PCDHGA8: variants seen among roughly 807,000 people sequenced by gnomAD.
PCDHGA8 encodes the protein protocadherin gamma subfamily A, 8.
A neutral mutation model predicts 59.2 loss-of-function variants in PCDHGA8; 45 were observed. The ratio of observed to expected loss-of-function variants is 0.76; its 90% CI spans 0.60 to 0.98. PCDHGA8 has a LOEUF of 0.98. Among genes scored for constraint, PCDHGA8 ranks in the 50% least tolerant of loss-of-function variants. The pLI is 0.00. For missense variants in PCDHGA8, 1,257 were observed against 1,196.2 expected, an observed-to-expected ratio of 1.05 and a Z score of -0.75; for synonymous variants, 531 against 519.0, an observed-to-expected ratio of 1.02 and a Z score of -0.32.
intron 1 of PCDHGA8, chr5:141,441,743 C>T (rs1298220876): frequency 1.4e-5 from 5 of 367,166 alleles, no homozygotes; most frequent in Non-Finnish European, 2.2e-5. Context: ...AGCTCGCGCT[C>T]GGCGTCAACG....
Position 141,490,942 on chromosome 5 carries a change from C to T in PCDHGA8, c.2425-3865C>T, listed in dbSNP as rs371286343. On this transcript the variant is annotated intron_variant, in intron 1 of 3. Coordinates refer to ENST00000398604, the MANE Select transcript of PCDHGA8 (RefSeq NM_032088.2). This position sits in a 1 kb window ranked among gnomAD's most constrained non-coding sequence, Gnocchi z 5.4. ...TAATGCCCCAGCTGTGCTGCACCCA[C>T]GGCCAGACTGGGAACACTCAGCCCC... 8.7e-5 allele frequency: 141 copies of T among 1,613,526 alleles called. No individual in the cohort carries two copies. Among genetic ancestry groups the T allele is most frequent in the Non-Finnish European group, 1.1e-4 (126 of 1,179,768 alleles).
chr5:141,412,415 T>C (rs897201034), intron 1 of PCDHGA8: 5 of 152,248 alleles, frequency 3.3e-5, no homozygotes, highest in Non-Finnish European at 4.4e-5. Context: ...AGATAAAGTA[T>C]GTTTTACACA....
chr5:141,467,907 C>A (rs1166486426), intron 1 of PCDHGA8, among the ~76,000 whole-genome samples: 1 of 152,156 alleles, frequency 6.6e-6, no homozygotes, highest in Non-Finnish European at 1.5e-5. Flanking sequence ...AATCCGCCCA[C>A]CTCAGCCTCC....
chr5:141,400,448 A>G (rs750585724), intron 1 of PCDHGA8: 1 of 1,614,078 alleles, frequency 6.2e-7, no homozygotes, highest in Non-Finnish European at 8.5e-7. Flanking sequence ...TCAGGACAAG[A>G]CATACTTTGT....
At chr5:141,405,352 T>C (rs747137239) in intron 1 of PCDHGA8, 12 of 1,614,170 alleles carry the variant, frequency 7.4e-6, no homozygotes, top group Middle Eastern at 1.6e-4. Flanking sequence ...CCAAGTTTCC[T>C]ATAGAAGACA....
Position 141,394,511 on chromosome 5 carries a change from C to T in PCDHGA8, c.1698C>T (p.Ala566=). The stretch of plus-strand genomic sequence containing the variant: ...ACGCGCCCGAGATCCTGTACCCCGC[C>T]CTCCCCACAGACGGTTCCACTGGCG... The part of the protein sequence containing the change: ...NDNAPEILYP[A]LPTDGSTGVE... Residue 566 remains alanine (A), a synonymous_variant, in exon 1 of 4, where the codon GCC becomes GCT. Coordinates refer to ENST00000398604, the MANE Select transcript of PCDHGA8 (RefSeq NM_032088.2). 6.2e-7 allele frequency: 1 copy of T among 1,614,218 alleles called. No individual in the cohort carries two copies.
At chr5:141,465,184 A>G (rs866520508) in intron 1 of PCDHGA8, among the ~76,000 whole-genome samples, 2 of 152,130 alleles carry the variant, frequency 1.3e-5, no homozygotes, top group Admixed American at 6.5e-5. Flanking sequence ...ATTTAATTAA[A>G]AGATAAAAAT....
In PCDHGA8 at chr5:141,485,956, C is replaced by T. The variant is rs1430530851; in HGVS notation, c.2425-8851C>T. 1 of 1,614,150 alleles carries T rather than the reference C, an allele frequency of 6.2e-7. No individual in the cohort carries two copies. Among genetic ancestry groups the T allele is most frequent in the South Asian group, 1.1e-5 (1 of 91,074 alleles). ...AGAGCGCACCAGCGGGCATGGTGCT[C>T]ATCCAGCTCAATGCCTCAGACCCGG... On this transcript the variant is annotated intron_variant, in intron 1 of 3. Coordinates refer to ENST00000398604, the MANE Select transcript of PCDHGA8 (RefSeq NM_032088.2). This position sits in a 1 kb window ranked among gnomAD's most constrained non-coding sequence, Gnocchi z 5.7.
At chr5:141,404,488 T>C (rs3749770) in intron 1 of PCDHGA8, 387,354 of 1,612,960 alleles carry the variant, frequency 0.24, 50,449 homozygotes, top group African/African-American at 0.51. Flanking sequence ...CAGACACTGG[T>C]GTGCTGTATG....
At position 141,487,905 on chromosome 5, in the gene PCDHGA8, G is replaced by A. The variant is rs1305989274; in HGVS notation, c.2425-6902G>A. The A allele has an allele frequency of 2.9e-6, 2 of 686,270 alleles. No individual in the cohort carries two copies. The highest frequency in any genetic ancestry group is 3.6e-5 in the African/African-American group (2 of 55,348). The allele number at this position is 686,270 out of a possible 1,614,324, so 42.5% of individuals were successfully genotyped here. ...GTGGAAGCATGATGATGGAATGTGG[G>A]AGCACAGGAGGCTACAGTGCACAGG... On this transcript the variant is annotated intron_variant, in intron 1 of 3. Coordinates refer to ENST00000398604, the MANE Select transcript of PCDHGA8 (RefSeq NM_032088.2). This position sits in a 1 kb window ranked among gnomAD's most constrained non-coding sequence, Gnocchi z 5.0.
chr5:141,436,487 A>G (rs2097826897), intron 1 of PCDHGA8, among the ~76,000 whole-genome samples: 2 of 152,196 alleles, frequency 1.3e-5, no homozygotes, highest in Non-Finnish European at 2.9e-5. Context: ...GAAGGATAGC[A>G]GCTTTGCAAT....
chr5:141,440,618 C>G (rs1287745652), intron 1 of PCDHGA8: 3 of 152,196 alleles, frequency 2.0e-5, no homozygotes, highest in South Asian at 2.1e-4. Context: ...GCAGAAGATC[C>G]TGATGTTGAG....
Position 141,487,503 on chromosome 5 carries a change from C to T in PCDHGA8, c.2425-7304C>T. On this transcript the variant is annotated intron_variant, in intron 1 of 3. Transcript: ENST00000398604. The surrounding 1 kb of genome is among the most constrained non-coding windows in gnomAD (Gnocchi z 5.0). The stretch of plus-strand genomic sequence containing the variant: ...TCTCATGGCTGTACACCCTTGGCTT[C>T]TGCACCCACTCGGAGTGATAGCTTC... 1 of 1,614,220 alleles carries T rather than the reference C, an allele frequency of 6.2e-7. No homozygotes were observed. Among genetic ancestry groups the T allele is most frequent in the Non-Finnish European group, 8.5e-7 (1 of 1,180,042 alleles).
chr5:141,478,259 T>A lies in PCDHGA8; in HGVS notation c.2425-16548T>A, dbSNP rs534973741. ...GGTCACAGTGTTCGGAGTAATCATA[T>A]TCAAAGTTTACAAGTGGAAGCAGTC... On this transcript the variant is annotated intron_variant, in intron 1 of 3. Transcript: ENST00000398604. 3.2e-5 allele frequency: 52 copies of A among 1,614,064 alleles called. No individual in the cohort carries two copies. The highest frequency in any genetic ancestry group is 4.4e-5 in the Non-Finnish European group (52 of 1,180,048).
chr5:141,423,957 T>G, intron 1 of PCDHGA8: 1 of 1,183,084 alleles, frequency 8.5e-7, no homozygotes, highest in Non-Finnish European at 1.1e-6. Context: ...TTTAGTATTA[T>G]TTTTCTATTA....
chr5:141,400,880 T>C (rs919340566), intron 1 of PCDHGA8, among the ~76,000 whole-genome samples: 1 of 152,276 alleles, frequency 6.6e-6, no homozygotes, highest in Non-Finnish European at 1.5e-5. Flanking sequence ...TTAAATTTAA[T>C]GTATGTAATC....
Position 141,432,521 on chromosome 5 carries a change from G to C in PCDHGA8, c.2424+37284G>C. ...CCGCTCCGCAGAGCCCGGCTACCTG[G>C]TGACCAAGGTGGTGGCGGTGGACAG... On this transcript the variant is annotated intron_variant, in intron 1 of 3. Transcript: ENST00000398604. The surrounding 1 kb of genome is among the most constrained non-coding windows in gnomAD (Gnocchi z 6.0). 1.2e-6 allele frequency: 2 copies of C among 1,614,112 alleles called. No individual in the cohort carries two copies. The highest frequency in any genetic ancestry group is 1.7e-6 in the Non-Finnish European group (2 of 1,180,028).
In PCDHGA8 at chr5:141,432,877, C is replaced by T. The variant is rs375043811; in HGVS notation, c.2424+37640C>T. 108 of 1,614,082 alleles carry T rather than the reference C, an allele frequency of 6.7e-5. No homozygotes were observed. Among genetic ancestry groups the T allele is most frequent in the Non-Finnish European group, 7.6e-5 (90 of 1,180,018 alleles). On this transcript the variant is annotated intron_variant, in intron 1 of 3. Coordinates refer to ENST00000398604, the MANE Select transcript of PCDHGA8 (RefSeq NM_032088.2). The surrounding 1 kb of genome is among the most constrained non-coding windows in gnomAD (Gnocchi z 6.0). Reference sequence around the variant, plus strand: ...CCGCGGTCTCCTGCGTCTTCCTGGCCTTCGTCATCTTGCTGCTGGCGCTCA... The same window carrying T: ...CCGCGGTCTCCTGCGTCTTCCTGGCTTTCGTCATCTTGCTGCTGGCGCTCA...
Position 141,477,265 on chromosome 5 carries a change from G to T in PCDHGA8, c.2425-17542G>T. On this transcript the variant is annotated intron_variant, in intron 1 of 3. Coordinates refer to ENST00000398604, the MANE Select transcript of PCDHGA8 (RefSeq NM_032088.2). The surrounding 1 kb of genome is among the most constrained non-coding windows in gnomAD (Gnocchi z 4.9). ...GTGTGACTGACCTGGATGCTGGCGA[G>T]AACGGGCTGGTGACCTGCGAAGTTC... 6.2e-7 allele frequency: 1 copy of T among 1,614,198 alleles called. No individual in the cohort carries two copies. Among genetic ancestry groups the T allele is most frequent in the Non-Finnish European group, 8.5e-7 (1 of 1,180,044 alleles).
Sources: gnomAD v4.1 joint callset for allele counts (sites outside exome capture counted in the v4.1 genomes callset) on GRCh38, gnomAD v4.1.1 for gene constraint, Gnocchi (gnomAD v3.1) non-coding constraint, MANE v1.5 for transcripts, NCBI Gene and HGNC (gene_info 2026-07-23, HGNC 2026-07-21) for gene names.